MYH11: variants seen among roughly 807,000 people sequenced by gnomAD.
MYH11 encodes myosin heavy chain 11.
Under a neutral mutation model 246.6 loss-of-function variants are expected in MYH11, and 80 were observed. The observed-to-expected ratio is 0.32, with a 90% CI of 0.27 to 0.39. The LOEUF (loss-of-function observed/expected upper bound fraction) is 0.39, where lower values mean the gene tolerates loss of function less well. MYH11 is among the 10% of genes least tolerant of loss of function. MYH11 has a pLI of 1.00. For synonymous variants in MYH11, 1,071 were observed against 1,015.5 expected (o/e 1.05, Z -1.04); for missense variants, 2,158 against 2,546.8 (o/e 0.85, Z 3.29).
chr16:15,758,119 A>C (rs894727893), intron 12 of MYH11, 119 bp from the exon 13 acceptor site: 1 of 1,458,922 alleles, frequency 6.9e-7, no homozygotes, highest in African/African-American at 1.4e-5. Context: ...CTGTTCTGCC[A>C]TCCCAGCACC....
chr16:15,717,174 C>G lies in MYH11; in HGVS notation c.5470G>C (p.Ala1824Pro), dbSNP rs147710374. 1 of 1,614,204 alleles carries G rather than the reference C, an allele frequency of 6.2e-7. No individual in the cohort carries two copies. ...TGCTCGACCTGCTCCTCCAGCTGTG[C>G]AATCTTGGCCTCCAGCGCCGCGATG... ...STIAALEAKI[A>P]QLEEQVEQEA... The change falls in exon 38 of 41, where the codon GCA (alanine) becomes CCA (proline). Residue 1824 changes from alanine (A) to proline (P), a missense_variant. Transcript: ENST00000300036.
intron 1 of MYH11, among the ~76,000 whole-genome samples, chr16:15,843,307 G>T (rs1351163114): frequency 1.3e-5 from 2 of 151,734 alleles, no homozygotes; most frequent in African/African-American, 4.8e-5. Flanking sequence ...AAAGGTGGAG[G>T]TTGCAATGAG....
chr16:15,772,177 C>T (rs1468955614), intron 8 of MYH11, among the ~76,000 whole-genome samples: 1 of 149,580 alleles, frequency 6.7e-6, no homozygotes, highest in African/African-American at 2.5e-5. Context: ...CTGCAACCTC[C>T]GCCTCCCAGG....
Position 15,735,473 on chromosome 16 carries a change from G to A in MYH11, c.3399C>T (p.Ala1133=). The change falls in exon 26 of 41, where the codon GCC becomes GCT. Residue 1133 remains alanine, a synonymous_variant. Coordinates refer to ENST00000300036, the MANE Select transcript of MYH11 (RefSeq NM_002474.3). ...LQEDLDSERA[A]RNKAEKQKRD... ...GCTTCTGCTTTTCAGCCTTGTTCCT[G>A]GCGGCCCGCTCTGAGTCCAGGTCCT... is the stretch of plus-strand genomic sequence containing the variant. 6.2e-7 allele frequency: 1 copy of A among 1,614,068 alleles called. No homozygotes were observed. The highest frequency in any genetic ancestry group is 8.5e-7 in the Non-Finnish European group (1 of 1,180,016).
At position 15,752,347 on chromosome 16, in the gene MYH11, A is replaced by T. The variant is rs1276314459; in HGVS notation, c.1864+1047T>A. ...CAGGCCCATGGGCCCTGTGCCAAGA[A>T]TAAAACCTGCTGTGGACACTGATGG... On this transcript the variant is annotated intron_variant, in intron 15 of 40. Transcript: ENST00000300036. Among the ~76,000 whole-genome samples, 3 of 152,170 alleles carry T rather than the reference A, an allele frequency of 2.0e-5. No individual in the cohort carries two copies. In the East Asian group the frequency reaches 5.8e-4, roughly 30 times the overall value.
intron 40 of MYH11, chr16:15,713,710 C>T (rs2039953212): frequency 6.6e-6 from 1 of 152,248 alleles, no homozygotes; most frequent in Non-Finnish European, 1.5e-5. Flanking sequence ...TCTTGAACTC[C>T]TGAGCTCAAA....
At chr16:15,805,314 AGTG>A (rs1368423648) in intron 3 of MYH11, among the ~76,000 whole-genome samples, 4 of 152,214 alleles carry the variant, frequency 2.6e-5, no homozygotes, top group Non-Finnish European at 4.4e-5. Context: ...CACATGGCCT[AGTG>A]GTTCCCATGG....
chr16:15,818,152 G>A (rs975357231), intron 3 of MYH11, among the ~76,000 whole-genome samples: 13 of 151,980 alleles, frequency 8.6e-5, no homozygotes, highest in African/African-American at 2.9e-4. Flanking sequence ...CCTCAATCCC[G>A]CCTTTTCACA....
intron 31 of MYH11, among the ~76,000 whole-genome samples, chr16:15,722,418 C>G (rs575155594): frequency 6.6e-5 from 10 of 152,262 alleles, no homozygotes; most frequent in African/African-American, 2.2e-4. Context: ...TCAGAGAGAA[C>G]AGAGCAGATT....
intron 16 of MYH11, 151 bp downstream of exon 16, chr16:15,749,987 T>A (rs778617285): frequency 2.3e-5 from 22 of 958,844 alleles, no homozygotes; most frequent in Non-Finnish European, 3.4e-5. Context: ...CCTCCAGGGA[T>A]GGGGAATGGG....
At position 15,715,287 on chromosome 16, in the gene MYH11, G is replaced by A; in HGVS notation, c.5505-15C>T. On this transcript the variant is annotated splice_polypyrimidine_tract_variant and intron_variant, in intron 38 of 40. Transcript: ENST00000300036. ...CCTGTTTCTCTCTGCAAACAGCAAG[G>A]AAAACAGGTGGTTTCAGCGGAGGGT... 3.1e-6 allele frequency: 5 copies of A among 1,613,742 alleles called. No homozygotes were observed. The highest frequency in any genetic ancestry group is 4.2e-6 in the Non-Finnish European group (5 of 1,179,818).
intron 3 of MYH11, among the ~76,000 whole-genome samples, chr16:15,800,521 G>C (rs2042858364): frequency 6.6e-6 from 1 of 151,704 alleles, no homozygotes. Flanking sequence ...GAGGAGGGAA[G>C]GATGAGTGAG....
At chr16:15,725,495 A>G (rs1188524704) in intron 28 of MYH11, 6 of 428,130 alleles carry the variant, frequency 1.4e-5, no homozygotes, top group Non-Finnish European at 2.5e-5. Flanking sequence ...CGCAGGCCCT[A>G]AAGGTAAAAA....
chr16:15,764,112 C>G (rs568781270), intron 9 of MYH11, among the ~76,000 whole-genome samples: 4 of 152,306 alleles, frequency 2.6e-5, no homozygotes, highest in African/African-American at 9.6e-5. Context: ...TGGACCAAAT[C>G]TGGCCCACTG....
At chr16:15,802,854 T>G (rs1005053172) in intron 3 of MYH11, among the ~76,000 whole-genome samples, 3 of 152,078 alleles carry the variant, frequency 2.0e-5, no homozygotes, top group African/African-American at 7.2e-5. Flanking sequence ...GTGTCCCTAT[T>G]TATAAGAGAA....
At chr16:15,704,250 AACAC>A (rs747874749) in intron 40 of MYH11, 127 bp from the exon 41 acceptor site, 12 of 1,029,972 alleles carry the variant, frequency 1.2e-5, no homozygotes, top group Admixed American at 2.1e-5. Flanking sequence ...TATGGCAGAA[AACAC>A]ACACGGCACA....
At chr16:15,779,703 G>A (rs1357095442) in intron 6 of MYH11, among the ~76,000 whole-genome samples, 1 of 152,150 alleles carries the variant, frequency 6.6e-6, no homozygotes, top group Non-Finnish European at 1.5e-5. Flanking sequence ...ATGTCCTTTA[G>A]GCAGGAATGG....
intron 40 of MYH11, among the ~76,000 whole-genome samples, chr16:15,705,264 G>A (rs1799444418): frequency 1.3e-5 from 2 of 152,220 alleles, no homozygotes; most frequent in African/African-American, 2.4e-5. Context: ...TTACAGGTGT[G>A]TGCCAGTGCA....
At position 15,724,866 on chromosome 16, in the gene MYH11, G is replaced by A. The variant is rs775464762; in HGVS notation, c.3963+22C>T. Reference sequence around the variant, plus strand: ...GGAAGGCCACCCCCCAGGTCCCCTGGATGATGTGGCAGGACACTCACCTGG... The same window carrying A: ...GGAAGGCCACCCCCCAGGTCCCCTGAATGATGTGGCAGGACACTCACCTGG... On this transcript the variant is annotated intron_variant, in intron 29 of 40. Coordinates refer to ENST00000300036, the MANE Select transcript of MYH11 (RefSeq NM_002474.3). 4 of 1,613,904 alleles carry A rather than the reference G, an allele frequency of 2.5e-6. No individual in the cohort carries two copies. In the South Asian group the frequency reaches 4.4e-5, roughly 18 times the overall value.
Sources: allele counts gnomAD v4.1 joint callset (sites outside exome capture counted in the v4.1 genomes callset), GRCh38; gene constraint gnomAD v4.1.1; transcripts MANE v1.5; gene names NCBI Gene and HGNC (gene_info 2026-07-23, HGNC 2026-07-21).